The following PLCE1 variants were observed in gnomAD, a reference collection of about 807,000 sequenced individuals.
PLCE1 encodes phospholipase C epsilon 1.
PLCE1 carries 119 observed loss-of-function variants against 242.8 expected under a neutral mutation model. The observed-to-expected ratio is 0.49, with a 90% CI of 0.42 to 0.57. PLCE1 has a LOEUF of 0.57. Ranked by LOEUF, PLCE1 falls within the 20% of genes least tolerant of loss-of-function variation. The pLI, the probability that PLCE1 is intolerant of heterozygous loss-of-function variation, is 0.00. For missense variants in PLCE1, 2,441 were observed against 2,788.8 expected (o/e 0.88, Z 2.81); for synonymous variants, 945 against 1,017.4 (o/e 0.93, Z 1.35).
intron 4 of PLCE1, among the ~76,000 whole-genome samples, chr10:94,210,692 G>T (rs1476517575): frequency 6.6e-6 from 1 of 152,176 alleles, no homozygotes; most frequent in Non-Finnish European, 1.5e-5. Flanking sequence ...CAGCTGGTGA[G>T]CAGCTGCTCC....
chr10:94,202,654 A>T (rs1285399417), intron 4 of PLCE1, among the ~76,000 whole-genome samples: 1 of 152,150 alleles, frequency 6.6e-6, no homozygotes, highest in Non-Finnish European at 1.5e-5. Flanking sequence ...TTTTGTCTTG[A>T]TGACAGTGTA....
chr10:94,077,236 A>T (rs776634108), intron 2 of PLCE1, among the ~76,000 whole-genome samples: 3 of 152,218 alleles, frequency 2.0e-5, no homozygotes, highest in Non-Finnish European at 4.4e-5. Context: ...AGACATTTTC[A>T]GTTGTCAACA....
chr10:94,106,941 T>TCTCTCTCTCTCTCTCTCTCTCC (rs71031558), intron 2 of PLCE1: 1 of 129,970 alleles, frequency 7.7e-6, no homozygotes. Flanking sequence ...TCTCTCTCTC[T>TCTCTCTCTCTCTCTCTCTCTCC]CTCCCCCTCC....
chr10:94,238,970 A>C (rs1260962407), intron 7 of PLCE1, among the ~76,000 whole-genome samples: 1 of 152,024 alleles, frequency 6.6e-6, no homozygotes, highest in East Asian at 1.9e-4. Context: ...TTTTGACACC[A>C]CCTCTTACTA....
intron 2 of PLCE1, among the ~76,000 whole-genome samples, chr10:94,125,949 G>A (rs1405303966): frequency 6.6e-6 from 1 of 152,088 alleles, no homozygotes; most frequent in East Asian, 1.9e-4. Flanking sequence ...ATGCCTTTTA[G>A]TGCATGCAAG....
intron 2 of PLCE1, among the ~76,000 whole-genome samples, chr10:94,054,660 A>C (rs1262700098): frequency 6.6e-6 from 1 of 152,244 alleles, no homozygotes; most frequent in East Asian, 1.9e-4. Flanking sequence ...ATAGTGCTTT[A>C]CATCTATTGG....
intron 9 of PLCE1, among the ~76,000 whole-genome samples, chr10:94,252,871 A>G (rs1234891186): frequency 6.6e-6 from 1 of 152,122 alleles, no homozygotes; most frequent in Non-Finnish European, 1.5e-5. Flanking sequence ...TTTACCAAGC[A>G]AAGAACATAG....
chr10:94,261,378 A>G (rs1352513838), intron 13 of PLCE1, among the ~76,000 whole-genome samples: 1 of 152,144 alleles, frequency 6.6e-6, no homozygotes, highest in Non-Finnish European at 1.5e-5. Context: ...CGGAGGTACT[A>G]CAGTTTGTTT....
At chr10:94,266,697 T>C (rs1237327421) in intron 16 of PLCE1, among the ~76,000 whole-genome samples, 1 of 152,218 alleles carries the variant, frequency 6.6e-6, no homozygotes, top group Non-Finnish European at 1.5e-5. Context: ...TGTGTCATTG[T>C]GTGCACACGT....
intron 22 of PLCE1, among the ~76,000 whole-genome samples, chr10:94,290,232 G>A (rs1554906385): frequency 6.6e-6 from 1 of 150,530 alleles, no homozygotes; most frequent in Non-Finnish European, 1.5e-5. Flanking sequence ...GTCTCACTAT[G>A]TTGCCCAAGC....
intron 27 of PLCE1, among the ~76,000 whole-genome samples, chr10:94,309,329 T>C (rs1316127254): frequency 2.0e-5 from 3 of 151,856 alleles, no homozygotes; most frequent in Admixed American, 6.6e-5. Flanking sequence ...TTTTTTTTTT[T>C]CCAGAGACAG....
chr10:94,003,451 AT>A (rs1225977138), intron 1 of PLCE1, among the ~76,000 whole-genome samples: 3 of 152,192 alleles, frequency 2.0e-5, no homozygotes, highest in Non-Finnish European at 4.4e-5. Context: ...ATTAAACCAC[AT>A]TTGCAATTCT....
At chr10:94,061,873 A>G (rs2044065213) in intron 2 of PLCE1, among the ~76,000 whole-genome samples, 1 of 152,248 alleles carries the variant, frequency 6.6e-6, no homozygotes, top group African/African-American at 2.4e-5. Flanking sequence ...GGGACAGCTC[A>G]TGGGAGGAGT....
chr10:94,071,394 A>G (rs190821854), intron 2 of PLCE1, among the ~76,000 whole-genome samples: 1 of 150,636 alleles, frequency 6.6e-6, no homozygotes, highest in Admixed American at 6.6e-5. Flanking sequence ...TTCCTGAAAT[A>G]TATGCACACA....
Position 93,996,417 on chromosome 10 carries a change from G to A in PLCE1, c.-365+2159G>A, listed in dbSNP as rs558501235. ...TGAGGCGAGGGAAGACAGGTGATTA[G>A]GAAACATGGTGCTTCTGGAAGAGGG... On this transcript the variant is annotated intron_variant, in intron 1 of 32. Coordinates refer to ENST00000371380, the MANE Select transcript of PLCE1 (RefSeq NM_016341.4). 2.5e-4 allele frequency among the ~76,000 whole-genome samples: 38 copies of A among 152,304 alleles called. No homozygotes were observed. The South Asian group carries it at 2.7e-3, about 11-fold the overall frequency.
chr10:94,171,128 T>G (rs1046983954), intron 3 of PLCE1, 52 bp from the exon 4 acceptor site: 16 of 1,422,480 alleles, frequency 1.1e-5, no homozygotes, highest in South Asian at 4.6e-5. Flanking sequence ...AAATATCTGT[T>G]GCAGGGGACA....
At chr10:94,322,189 G>GTT in intron 30 of PLCE1, 130 bp downstream of exon 30, 1 of 858,828 alleles carries the variant, frequency 1.2e-6, no homozygotes, top group Non-Finnish European at 1.9e-6. Context: ...GGGAGTGTGT[G>GTT]CCTCTTAAGG....
intron 3 of PLCE1, among the ~76,000 whole-genome samples, chr10:94,155,111 G>A (rs1028709370): frequency 2.0e-5 from 3 of 151,966 alleles, no homozygotes; most frequent in South Asian, 2.1e-4. Flanking sequence ...GTTACCATAT[G>A]ATCCAACAAT....
chr10:94,187,668 C>A (rs1163425682), intron 4 of PLCE1, among the ~76,000 whole-genome samples: 2 of 152,130 alleles, frequency 1.3e-5, no homozygotes, highest in African/African-American at 4.8e-5. Context: ...GAGGACTCAG[C>A]CGCAGGTCAA....
Sources: gnomAD v4.1 joint callset for allele counts (sites outside exome capture counted in the v4.1 genomes callset) on GRCh38, gnomAD v4.1.1 for gene constraint, MANE v1.5 for transcripts, NCBI Gene and HGNC (gene_info 2026-07-23, HGNC 2026-07-21) for gene names.